The following VIPR2 variants were observed in gnomAD, a reference collection of about 807,000 sequenced individuals.
VIPR2 encodes vasoactive intestinal peptide receptor 2.
A neutral mutation model predicts 58.0 loss-of-function variants in VIPR2; 48 were observed. The ratio of observed to expected loss-of-function variants is 0.83; its 90% CI spans 0.66 to 1.05. The LOEUF (loss-of-function observed/expected upper bound fraction) is 1.05, where lower values mean the gene tolerates loss of function less well. VIPR2 is among the 50% of genes least tolerant of loss of function. VIPR2 has a pLI of 0.00. For synonymous variants in VIPR2, 243 were observed against 235.2 expected, an observed-to-expected ratio of 1.03 and a Z score of -0.30; for missense variants, 534 against 558.0, an observed-to-expected ratio of 0.96 and a Z score of 0.43.
intron 8 of VIPR2, chr7:159,035,600 C>A (rs563362965): frequency 2.4e-6 from 2 of 839,996 alleles, no homozygotes; most frequent in Non-Finnish European, 1.4e-6. Flanking sequence ...GCCACCATCA[C>A]CTGACCTTCC....
At chr7:159,053,535 A>G (rs1442134964) in intron 5 of VIPR2, among the ~76,000 whole-genome samples, 2 of 151,920 alleles carry the variant, frequency 1.3e-5, no homozygotes, top group Non-Finnish European at 2.9e-5. Context: ...TTGCAATAGA[A>G]TTTTTGTTTT....
chr7:159,091,702 T>C (rs1326726531), intron 4 of VIPR2, among the ~76,000 whole-genome samples: 1 of 152,200 alleles, frequency 6.6e-6, no homozygotes, highest in African/African-American at 2.4e-5. Flanking sequence ...ACGCGAGCAC[T>C]GGTCGGTGCC....
chr7:159,072,161 G>C (rs992012685), intron 4 of VIPR2, among the ~76,000 whole-genome samples: 1 of 138,656 alleles, frequency 7.2e-6, no homozygotes, highest in Non-Finnish European at 1.5e-5. Flanking sequence ...CAAAAATAAA[G>C]AGTCCCACGT....
chr7:159,038,915 T>A (rs1854142322), intron 6 of VIPR2, among the ~76,000 whole-genome samples: 1 of 152,254 alleles, frequency 6.6e-6, no homozygotes, highest in Non-Finnish European at 1.5e-5. Flanking sequence ...TTAATTTTTA[T>A]GACGCCAATA....
In VIPR2 at chr7:159,096,829, G is replaced by A. The variant is rs1285359798; in HGVS notation, c.357+6928C>T. 13 of 1,471,258 alleles carry A rather than the reference G, an allele frequency of 8.8e-6. No homozygotes were observed. The highest frequency in any genetic ancestry group is 1.4e-5 in the African/African-American group (1 of 71,014). 91.1% of individuals were successfully genotyped at this position (1,471,258 alleles called of 1,614,324 possible). On this transcript the variant is annotated intron_variant, in intron 4 of 12. Coordinates refer to ENST00000262178, the MANE Select transcript of VIPR2 (RefSeq NM_003382.5). This position sits in a 1 kb window ranked among gnomAD's most constrained non-coding sequence, Gnocchi z 5.5. The stretch of plus-strand genomic sequence containing the variant: ...AGCCACAGGCCCAGCTCTTGTCCCG[G>A]CCCACCTCGGGATGCTTCCGCCGTA...
At chr7:159,042,957 G>C in intron 6 of VIPR2, 78 bp downstream of exon 6, 1 of 1,541,200 alleles carries the variant, frequency 6.5e-7, no homozygotes, top group Admixed American at 1.8e-5. Context: ...CACCAGCACA[G>C]AGACGTCCTC....
chr7:159,107,836 G>A (rs1211995548), intron 3 of VIPR2, among the ~76,000 whole-genome samples: 1 of 152,218 alleles, frequency 6.6e-6, no homozygotes, highest in Non-Finnish European at 1.5e-5. Context: ...CAGAGACACA[G>A]GGCGCCAGTG....
At position 159,097,400 on chromosome 7, in the gene VIPR2, C is replaced by G. The variant is rs1254802425; in HGVS notation, c.357+6357G>C. On this transcript the variant is annotated intron_variant, in intron 4 of 12. Coordinates refer to ENST00000262178, the MANE Select transcript of VIPR2 (RefSeq NM_003382.5). The surrounding 1 kb of genome is among the most constrained non-coding windows in gnomAD (Gnocchi z 5.3). ...GAACGGAGTTAACCAGTATGTAACA[C>G]AGAAGACTTACGGGAGCCGGCCCCC... Among the ~76,000 whole-genome samples the G allele has an allele frequency of 1.3e-5, 2 of 152,232 alleles. No homozygotes were observed. The highest frequency in any genetic ancestry group is 1.5e-5 in the Non-Finnish European group (1 of 68,042).
intron 4 of VIPR2, among the ~76,000 whole-genome samples, chr7:159,081,087 T>C (rs538836759): frequency 6.6e-6 from 1 of 152,296 alleles, no homozygotes; most frequent in East Asian, 1.9e-4. Flanking sequence ...AAGCTACCAA[T>C]GACTTTCTTC....
At chr7:159,114,888 T>C (rs1334433204) in intron 2 of VIPR2, among the ~76,000 whole-genome samples, 1 of 151,976 alleles carries the variant, frequency 6.6e-6, no homozygotes, top group Non-Finnish European at 1.5e-5. Flanking sequence ...GAGCAAGTAT[T>C]AGACATGTTT....
chr7:159,043,995 C>A (rs1168167444), intron 5 of VIPR2, among the ~76,000 whole-genome samples: 1 of 152,120 alleles, frequency 6.6e-6, no homozygotes, highest in Admixed American at 6.5e-5. Flanking sequence ...ACGTTCAGGG[C>A]AGAAAGAATC....
At position 159,083,729 on chromosome 7, in the gene VIPR2, G is replaced by A. The variant is rs190752585; in HGVS notation, c.357+20028C>T. Among the ~76,000 whole-genome samples, 337 of 152,358 alleles carry A rather than the reference G, an allele frequency of 2.2e-3. 8 individuals carry two copies. The highest frequency in any genetic ancestry group is 2.8e-4 in the Non-Finnish European group (19 of 68,042). ...CATTCATAACCCATCCAGGAGGTAT[G>A]CAGTTTGGGGGGTGACAAGCAACAT... On this transcript the variant is annotated intron_variant, in intron 4 of 12. Coordinates refer to ENST00000262178, the MANE Select transcript of VIPR2 (RefSeq NM_003382.5).
intron 5 of VIPR2, among the ~76,000 whole-genome samples, chr7:159,055,662 A>G (rs767615212): frequency 5.3e-5 from 8 of 151,744 alleles, no homozygotes; most frequent in Non-Finnish European, 1.2e-4. Context: ...TCATCTCTCC[A>G]AATCACCTTT....
At chr7:159,144,379 G>A in intron 1 of VIPR2, 5 of 1,543,560 alleles carry the variant, frequency 3.2e-6, no homozygotes, top group Middle Eastern at 3.4e-4. Context: ...GCCCGCGCAG[G>A]CGCCCGCAGC....
At chr7:159,086,807 T>C (rs1857201040) in intron 4 of VIPR2, among the ~76,000 whole-genome samples, 1 of 152,166 alleles carries the variant, frequency 6.6e-6, no homozygotes, top group South Asian at 2.1e-4. Flanking sequence ...CCTCAGTGAG[T>C]AGCTGATACC....
At position 159,034,219 on chromosome 7, in the gene VIPR2, T is replaced by A. The variant is rs753038577; in HGVS notation, c.965A>T (p.Gln322Leu). ...SPDVGGNDQSQYKRLAKSTLL... is the reference protein window; with the variant it reads ...SPDVGGNDQSLYKRLAKSTLL... ...GGCCGGGACACACACTCACTTGTAC[T>A]GAGACTGGTCGTTGCCGCCGACATC... Residue 322 changes from glutamine (Q) to leucine (L), a missense_variant, in exon 10 of 13, where the codon CAG becomes CTG. Coordinates refer to ENST00000262178, the MANE Select transcript of VIPR2 (RefSeq NM_003382.5). The A allele has an allele frequency of 3.7e-6, 6 of 1,613,984 alleles. No homozygotes were observed. The East Asian group carries it at 1.3e-4, about 36-fold the overall frequency.
chr7:159,054,083 C>T (rs1478492185), intron 5 of VIPR2, among the ~76,000 whole-genome samples: 3 of 152,182 alleles, frequency 2.0e-5, no homozygotes, highest in Non-Finnish European at 4.4e-5. Flanking sequence ...CATGCCACTG[C>T]CTGCTCTGTG....
At chr7:159,085,857 G>T (rs906565515) in intron 4 of VIPR2, among the ~76,000 whole-genome samples, 34 of 152,192 alleles carry the variant, frequency 2.2e-4, no homozygotes, top group African/African-American at 7.7e-4. Context: ...TGGGGAAGGA[G>T]GGACGAAGAG....
intron 2 of VIPR2, among the ~76,000 whole-genome samples, chr7:159,141,765 C>T (rs1440656054): frequency 6.6e-6 from 1 of 152,232 alleles, no homozygotes; most frequent in Non-Finnish European, 1.5e-5. Flanking sequence ...TACAGGACAA[C>T]AGACTGTTTT....
Sources: allele counts gnomAD v4.1 joint callset (sites outside exome capture counted in the v4.1 genomes callset), GRCh38; gene constraint gnomAD v4.1.1; non-coding constraint Gnocchi (gnomAD v3.1); transcripts MANE v1.5; gene names NCBI Gene and HGNC (gene_info 2026-07-23, HGNC 2026-07-21).